UPP2: variants seen among roughly 807,000 people sequenced by gnomAD.
UPP2 encodes the protein uridine phosphorylase 2.
A neutral mutation model predicts 26.7 loss-of-function variants in UPP2; 23 were observed. That is an observed-to-expected ratio of 0.86 (90% CI 0.62 to 1.22). The LOEUF is 1.22. Ranked by LOEUF, UPP2 falls within the 50% of genes most tolerant of loss-of-function variation. The pLI is 0.00. For missense variants in UPP2, 387 were observed against 396.7 expected (o/e 0.98, Z 0.21); for synonymous variants, 127 against 141.3 (o/e 0.90, Z 0.72).
At chr2:158,108,606 GACACACACAC>G (rs140302298) in intron 2 of UPP2, among the ~76,000 whole-genome samples, 1 of 143,548 alleles carries the variant, frequency 7.0e-6, no homozygotes, top group African/African-American at 2.9e-5. Flanking sequence ...CACACACACA[GACACACACAC>G]ACATACGCAC....
chr2:158,117,487 G>C (rs950314545), intron 3 of UPP2, among the ~76,000 whole-genome samples: 5 of 151,894 alleles, frequency 3.3e-5, no homozygotes, highest in Non-Finnish European at 7.4e-5. Flanking sequence ...TTTTTCAAAG[G>C]CTCATCATGA....
chr2:158,103,412 A>G (rs1378565796), intron 1 of UPP2, among the ~76,000 whole-genome samples: 1 of 152,212 alleles, frequency 6.6e-6, no homozygotes, highest in East Asian at 1.9e-4. Context: ...GAGTGATTTT[A>G]AAAACACCAA....
intron 1 of UPP2, among the ~76,000 whole-genome samples, chr2:158,105,361 C>G (rs4664241): frequency 0.12 from 18,340 of 152,048 alleles, 1,248 homozygotes; most frequent in Admixed American, 0.22. Context: ...TGAGCCAGGG[C>G]CATGGCCAGT....
At chr2:158,071,210 G>T (rs1363458188) in intron 3 of UPP2, among the ~76,000 whole-genome samples, 1 of 152,104 alleles carries the variant, frequency 6.6e-6, no homozygotes, top group African/African-American at 2.4e-5. Flanking sequence ...GTGGCTAAGG[G>T]AGTGCAAGCA....
At position 158,106,150 on chromosome 2, in the gene UPP2, C is replaced by A. The variant is rs1218044794; in HGVS notation, c.114C>A (p.Asp38Glu). 1.9e-6 allele frequency: 3 copies of A among 1,607,692 alleles called. No individual in the cohort carries two copies. The highest frequency in any genetic ancestry group is 1.7e-6 in the Non-Finnish European group (2 of 1,177,618). The change falls in exon 2 of 7, where the codon GAC becomes GAA. Residue 38 changes from aspartate to glutamate, a missense_variant. Physicochemically the swap from Asp to Glu is conservative, Grantham distance 45 (BLOSUM62 2). Coordinates refer to ENST00000005756, the MANE Select transcript of UPP2 (RefSeq NM_173355.4). Reference protein sequence around the residue: ...KNPYLDLMDEDILYHLDLGTK... With the variant: ...KNPYLDLMDEEILYHLDLGTK... ...CTTACTTGGATTTGATGGATGAAGA[C>A]ATTCTCTATCACTTGGATTTGGGAA...
intron 3 of UPP2, among the ~76,000 whole-genome samples, chr2:158,036,670 A>G (rs763957252): frequency 5.9e-5 from 9 of 152,228 alleles, no homozygotes; most frequent in Non-Finnish European, 1.2e-4. Context: ...AGATTGTGAC[A>G]CTGATGCTAT....
At chr2:158,009,523 T>C (rs375181713) in intron 2 of UPP2, among the ~76,000 whole-genome samples, 1 of 152,356 alleles carries the variant, frequency 6.6e-6, no homozygotes, top group African/African-American at 2.4e-5. Context: ...TGTGTGCAGA[T>C]GAAATATGGC....
chr2:158,091,066 G>A (rs1052085499), intron 3 of UPP2, among the ~76,000 whole-genome samples: 3 of 152,190 alleles, frequency 2.0e-5, no homozygotes, highest in Admixed American at 1.3e-4. Context: ...CGGAAGTAAC[G>A]CGTCACTTGT....
chr2:158,079,287 A>G (rs1682681296), intron 3 of UPP2, among the ~76,000 whole-genome samples: 1 of 152,142 alleles, frequency 6.6e-6, no homozygotes, highest in Admixed American at 6.6e-5. Flanking sequence ...AAAATTAAAA[A>G]TAATTTTTTT....
chr2:158,079,052 G>A (rs940871686), intron 3 of UPP2, among the ~76,000 whole-genome samples: 1 of 152,046 alleles, frequency 6.6e-6, no homozygotes, highest in Admixed American at 6.6e-5. Flanking sequence ...GGTTTTATAA[G>A]AGGCTTCCCC....
intron 5 of UPP2, among the ~76,000 whole-genome samples, chr2:158,123,171 G>A (rs1425797156): frequency 1.3e-5 from 2 of 152,092 alleles, no homozygotes; most frequent in African/African-American, 4.8e-5. Flanking sequence ...AGATACAGCT[G>A]AAATTCAGTG....
upstream of UPP2, among the ~76,000 whole-genome samples, chr2:158,097,886 T>A (rs142525358): frequency 6.6e-6 from 1 of 152,210 alleles, no homozygotes; most frequent in Non-Finnish European, 1.5e-5. Context: ...CTAATACTAA[T>A]CTCTTTTTTT....
chr2:158,010,177 A>T (rs1401679943), intron 2 of UPP2, among the ~76,000 whole-genome samples: 1 of 152,236 alleles, frequency 6.6e-6, no homozygotes, highest in African/African-American at 2.4e-5. Flanking sequence ...AAGAATGAGG[A>T]TGAAGAAAAC....
intron 2 of UPP2, among the ~76,000 whole-genome samples, chr2:158,112,425 C>T (rs892438633): frequency 6.6e-6 from 1 of 152,030 alleles, no homozygotes; most frequent in Non-Finnish European, 1.5e-5. Context: ...AGTTAGATCC[C>T]TATCTCACAC....
chr2:158,001,867 T>G (rs1683412454), intron 2 of UPP2, among the ~76,000 whole-genome samples: 1 of 151,388 alleles, frequency 6.6e-6, no homozygotes, highest in South Asian at 2.1e-4. Context: ...CAGGAGGTTT[T>G]GTTCTTTAGT....
chr2:158,109,317 A>T (rs1159488262), intron 2 of UPP2, among the ~76,000 whole-genome samples: 1 of 152,108 alleles, frequency 6.6e-6, no homozygotes, highest in Non-Finnish European at 1.5e-5. Flanking sequence ...TATTCTTACC[A>T]TATTTAAAAA....
Position 158,121,448 on chromosome 2 carries a change from T to C in UPP2, c.494T>C (p.Val165Ala). Residue 165 changes from valine to alanine, a missense_variant, in exon 5 of 7, where the codon GTA becomes GCA. By Grantham distance (64) the Val-to-Ala change is moderately conservative. Transcript: ENST00000005756. The stretch of plus-strand genomic sequence containing the variant: ...ACTGTTGTAATAACGGATATAGCTG[T>C]AGACTCCTTCTTTAAGCCCCGGTTT... ...PGTVVITDIA[V>A]DSFFKPRFEQ... The C allele has an allele frequency of 1.9e-6, 3 of 1,613,470 alleles. No homozygotes were observed. The highest frequency in any genetic ancestry group is 2.5e-6 in the Non-Finnish European group (3 of 1,179,444).
At chr2:158,011,502 G>C (rs1192321656) in intron 2 of UPP2, among the ~76,000 whole-genome samples, 1 of 152,128 alleles carries the variant, frequency 6.6e-6, no homozygotes, top group Non-Finnish European at 1.5e-5. Context: ...GAAGAAGTCT[G>C]ATTGGCTTGT....
In UPP2 at chr2:158,011,477, T is replaced by TG. The variant is rs563099442; in HGVS notation, c.62-4323dup. On this transcript the variant is annotated intron_variant, in intron 2 of 9. Coordinates refer to the UPP2 transcript ENST00000605860. ...GGAGCCCTCCTTTCCCATAAAGTTT[T>TG]GAAAAAAAGCTAGGGAAGAAGTCTG... 3.3e-3 allele frequency among the ~76,000 whole-genome samples: 498 copies of TG among 152,138 alleles called. 2 individuals carry two copies. The highest frequency in any genetic ancestry group is 6.8e-3 in the Middle Eastern group (2 of 294).
Sources: allele counts gnomAD v4.1 joint callset (sites outside exome capture counted in the v4.1 genomes callset), GRCh38; gene constraint gnomAD v4.1.1; transcripts MANE v1.5; gene names NCBI Gene and HGNC (gene_info 2026-07-23, HGNC 2026-07-21).